The following PACRG variants were observed in gnomAD, a reference collection of about 807,000 sequenced individuals.
The protein encoded by PACRG is parkin coregulated.
Under a neutral mutation model 29.7 loss-of-function variants are expected in PACRG, and 29 were observed. The observed-to-expected ratio is 0.98, with a 90% CI of 0.73 to 1.33. PACRG has a LOEUF of 1.33. Ranked by LOEUF, PACRG falls within the 40% of genes most tolerant of loss-of-function variation. PACRG has a pLI of 0.00. For synonymous variants in PACRG, 116 were observed against 118.7 expected, an observed-to-expected ratio of 0.98 and a Z score of 0.15; for missense variants, 279 against 316.2, an observed-to-expected ratio of 0.88 and a Z score of 0.89.
intron 1 of PACRG, among the ~76,000 whole-genome samples, chr6:162,793,503 G>C (rs1785122104): frequency 6.6e-6 from 1 of 152,116 alleles, no homozygotes; most frequent in Non-Finnish European, 1.5e-5. Context: ...TTGGAATATT[G>C]TCTTGTTGCT....
chr6:163,241,555 A>G (rs533072243), intron 4 of PACRG, among the ~76,000 whole-genome samples: 7 of 152,146 alleles, frequency 4.6e-5, no homozygotes, highest in African/African-American at 1.2e-4. Flanking sequence ...TTTTGGAAAA[A>G]GGACCTGGAG....
intron 2 of PACRG, among the ~76,000 whole-genome samples, chr6:162,929,032 G>A (rs988025688): frequency 1.5e-4 from 23 of 151,956 alleles, no homozygotes; most frequent in African/African-American, 5.1e-4. Context: ...GGTCACTTAC[G>A]TTGATTCCAT....
Position 163,089,291 on chromosome 6 carries a change from T to C in PACRG, c.496T>C (p.Cys166Arg). The stretch of plus-strand genomic sequence containing the variant: ...GAACCTCCGAAACCGACAGGTCATC[T>C]GTGTCACTCTCAAGGTCCTCCAGCA... ...ALNLRNRQVICVTLKVLQHLV... is the reference protein window; with the variant it reads ...ALNLRNRQVIRVTLKVLQHLV... Residue 166 changes from cysteine (C) to arginine (R), a missense_variant, in exon 4 of 5, where the codon TGT (cysteine) becomes CGT (arginine). Transcript: ENST00000366888. 6.2e-7 allele frequency: 1 copy of C among 1,614,132 alleles called. No individual in the cohort carries two copies. The highest frequency in any genetic ancestry group is 8.5e-7 in the Non-Finnish European group (1 of 1,180,018).
chr6:162,946,429 A>T (rs1161103595), intron 2 of PACRG, among the ~76,000 whole-genome samples: 1 of 152,118 alleles, frequency 6.6e-6, no homozygotes, highest in African/African-American at 2.4e-5. Context: ...ACAGGCTACA[A>T]AAATTGAATC....
chr6:162,779,830 A>G (rs565203376), intron 1 of PACRG, among the ~76,000 whole-genome samples: 27 of 152,324 alleles, frequency 1.8e-4, no homozygotes, highest in Admixed American at 9.8e-4. Context: ...GTATGAAACA[A>G]TGACACTCAA....
intron 2 of PACRG, among the ~76,000 whole-genome samples, chr6:162,923,028 T>TG (rs1300436630): frequency 3.3e-5 from 5 of 152,282 alleles, no homozygotes; most frequent in Admixed American, 2.0e-4. Flanking sequence ...CCCACATCCT[T>TG]GCCAGCATTT....
intron 3 of PACRG, among the ~76,000 whole-genome samples, chr6:163,074,321 C>T (rs552493539): frequency 6.6e-6 from 1 of 152,120 alleles, no homozygotes; most frequent in South Asian, 2.1e-4. Context: ...AAGCCAGGTG[C>T]AAAAAAGACG....
intron 1 of PACRG, among the ~76,000 whole-genome samples, chr6:162,780,805 A>G (rs1273599126): frequency 2.0e-5 from 3 of 152,094 alleles, no homozygotes; most frequent in Admixed American, 2.0e-4. Flanking sequence ...ATTGCAGAAG[A>G]AAAGATTTGT....
chr6:162,808,086 T>C (rs1294171326), intron 1 of PACRG, among the ~76,000 whole-genome samples: 2 of 152,230 alleles, frequency 1.3e-5, no homozygotes, highest in Non-Finnish European at 2.9e-5. Context: ...GTCCTGGTCA[T>C]TTGGTGACCT....
chr6:163,174,388 G>A (rs1001296589), intron 4 of PACRG, among the ~76,000 whole-genome samples: 5 of 152,188 alleles, frequency 3.3e-5, no homozygotes, highest in Non-Finnish European at 5.9e-5. Context: ...AGAGAGAAGT[G>A]GGAACTTCTG....
chr6:162,895,400 A>C (rs1795094499), intron 2 of PACRG, among the ~76,000 whole-genome samples: 1 of 152,222 alleles, frequency 6.6e-6, no homozygotes. Flanking sequence ...TTTCACCCAA[A>C]GCTCATGGCC....
chr6:163,258,795 C>T (rs997232492), intron 4 of PACRG, among the ~76,000 whole-genome samples: 1 of 151,508 alleles, frequency 6.6e-6, no homozygotes, highest in Non-Finnish European at 1.5e-5. Context: ...TTATAATGTT[C>T]GTAAGAACTA....
rs1347514547 is a variant in PACRG at position 162,947,463 on chromosome 6, CATATATAATAT to C, written c.292-114677_292-114667del. Among the ~76,000 whole-genome samples, 87 of 22,616 alleles carry C rather than the reference CATATATAATAT, an allele frequency of 3.8e-3. 1 individual carries two copies. The highest frequency in any genetic ancestry group is 0.012 in the Admixed American group (23 of 1,852). 14.8% of individuals were successfully genotyped at this position (22,616 alleles called of 152,430 possible). A position where few individuals can be genotyped will look rare whatever the true frequency, so the allele number is the denominator to read the frequency against. Reference sequence around the variant, plus strand: ...AAATATATATAATCATATATATAATCATATATAATATATATATAATCATATATATACTCATA... The same window carrying C: ...AAATATATATAATCATATATATAATCATATATAATCATATATATACTCATA... On this transcript the variant is annotated intron_variant, in intron 2 of 4. Coordinates refer to ENST00000366888, the MANE Select transcript of PACRG (RefSeq NM_001080379.2).
intron 1 of PACRG, among the ~76,000 whole-genome samples, chr6:162,785,882 G>A (rs1366314609): frequency 3.3e-5 from 5 of 152,198 alleles, no homozygotes; most frequent in African/African-American, 1.2e-4. Context: ...TAACAAACAA[G>A]TAAGAGACTG....
intron 3 of PACRG, 99 bp downstream of exon 3, chr6:163,062,420 C>A: frequency 2.3e-6 from 3 of 1,310,260 alleles, no homozygotes; most frequent in South Asian, 3.4e-5. Context: ...GAGGTGATCC[C>A]CAGTTTTGCA....
chr6:163,113,691 AC>A (rs1341891079), intron 4 of PACRG, among the ~76,000 whole-genome samples: 1 of 152,192 alleles, frequency 6.6e-6, no homozygotes, highest in African/African-American at 2.4e-5. Flanking sequence ...GGAAATTGAG[AC>A]ATTCCCAGGT....
chr6:162,902,914 A>C (rs2128060641), intron 2 of PACRG, among the ~76,000 whole-genome samples: 2 of 152,332 alleles, frequency 1.3e-5, no homozygotes, highest in South Asian at 4.1e-4. Context: ...AATCCAAGAC[A>C]AGAAGATAAT....
intron 1 of PACRG, among the ~76,000 whole-genome samples, chr6:162,801,351 C>T (rs574457547): frequency 4.6e-5 from 7 of 151,712 alleles, no homozygotes; most frequent in African/African-American, 1.2e-4. Context: ...TCAGGTGATC[C>T]GCCCCCCTTG....
intron 2 of PACRG, chr6:162,957,251 C>A: frequency 2.1e-6 from 1 of 485,548 alleles, no homozygotes; most frequent in Non-Finnish European, 4.0e-6. Flanking sequence ...TTTTGAAGTG[C>A]TTATGCTGTC....
Sources: allele counts gnomAD v4.1 joint callset (sites outside exome capture counted in the v4.1 genomes callset), GRCh38; gene constraint gnomAD v4.1.1; transcripts MANE v1.5; gene names NCBI Gene and HGNC (gene_info 2026-07-23, HGNC 2026-07-21).